Variants in MAP1S observed in about 807,000 individuals in gnomAD.
MAP1S encodes microtubule-associated protein 1S.
In MAP1S, 27 loss-of-function variants were observed where a neutral mutation model predicts 60.9. That is an observed-to-expected ratio of 0.44 (90% CI 0.33 to 0.61). The LOEUF is 0.61. MAP1S is among the 20% of genes least tolerant of loss of function. MAP1S has a pLI of 0.03. For synonymous variants in MAP1S, 826 were observed against 694.2 expected, an observed-to-expected ratio of 1.19 and a Z score of -2.98; for missense variants, 1,608 against 1,486.6, an observed-to-expected ratio of 1.08 and a Z score of -1.34.
rs150761669 is a variant in MAP1S, at chr19:17,727,933, C to T, written c.2549C>T (p.Pro850Leu). The T allele has an allele frequency of 3.3e-3, 5,326 of 1,609,750 alleles. 14 individuals carry two copies. The highest frequency in any genetic ancestry group is 4.1e-3 in the Non-Finnish European group (4,805 of 1,177,964). The change falls in exon 5 of 7, where the codon CCC becomes CTC. Residue 850 changes from proline to leucine, a missense_variant. By Grantham distance (98) the Pro-to-Leu change is moderately conservative. This residue lies in a region of MAP1S where 1,167 missense variants were observed against 961.4 expected (regional missense o/e 1.21). Coordinates refer to ENST00000324096, the MANE Select transcript of MAP1S (RefSeq NM_018174.6). This position sits in a 1 kb window ranked among gnomAD's most constrained non-coding sequence, Gnocchi z 4.1. The part of the protein sequence containing the change: ...ICMVDPEMLP[P>L]KTARQTENVS... ...ATGGTGGACCCCGAGATGCTGCCCCCCAAGACAGCACGGCAAACGGAGAAC... is the reference window on the plus strand; with the variant it reads ...ATGGTGGACCCCGAGATGCTGCCCCTCAAGACAGCACGGCAAACGGAGAAC...
chr19:17,726,149 C>A lies in MAP1S; in HGVS notation c.765C>A (p.Phe255Leu), dbSNP rs201058277. 1 of 1,613,926 alleles carries A rather than the reference C, an allele frequency of 6.2e-7. No homozygotes were observed. Among genetic ancestry groups the A allele is most frequent in the Admixed American group, 1.7e-5 (1 of 60,012 alleles). The change falls in exon 5 of 7, where the codon TTC (phenylalanine) becomes TTA (leucine). Residue 255 changes from phenylalanine to leucine, a missense_variant. By Grantham distance (22) the Phe-to-Leu change is conservative. Coordinates refer to ENST00000324096, the MANE Select transcript of MAP1S (RefSeq NM_018174.6). ...CTGGAGGCCTCGGGGATGCCGCCTT[C>A]TTCGCCGTCAATGGCTTCACTGTGC... ...IFPGGLGDAA[F>L]FAVNGFTVLV...
intron 6 of MAP1S, 68 bp downstream of exon 6, chr19:17,733,496 C>G (rs959153470): frequency 7.7e-7 from 1 of 1,300,666 alleles, no homozygotes; most frequent in African/African-American, 1.5e-5. Flanking sequence ...CACCCTCGAC[C>G]CTCAGAGACT....
intron 3 of MAP1S, 141 bp downstream of exon 3, chr19:17,724,349 T>G (rs2080398439): frequency 1.5e-6 from 1 of 677,558 alleles, no homozygotes; most frequent in Non-Finnish European, 2.6e-6. Flanking sequence ...CCACGAAGCC[T>G]TCCCTGTGGC....
At position 17,728,005 on chromosome 19, in the gene MAP1S, C is replaced by T. The variant is rs531163515; in HGVS notation, c.2621C>T (p.Ala874Val). 2.5e-6 allele frequency: 4 copies of T among 1,611,338 alleles called. No individual in the cohort carries two copies. In the African/African-American group the frequency reaches 4.0e-5, roughly 16 times the overall value. ...CTGGCCCGCCCCAACTCACGCGCTGCCGCCCCCAAAGCCACTCCAGTGGCT... is the reference window on the plus strand; with the variant it reads ...CTGGCCCGCCCCAACTCACGCGCTGTCGCCCCCAAAGCCACTCCAGTGGCT... The part of the protein sequence containing the change: ...KPLARPNSRA[A>V]APKATPVAAA... Residue 874 changes from alanine to valine, a missense_variant, in exon 5 of 7, where the codon GCC becomes GTC. By Grantham distance (64) the Ala-to-Val change is moderately conservative (BLOSUM62 0). This residue lies in a region of MAP1S where 1,167 missense variants were observed against 961.4 expected (regional missense o/e 1.21). Transcript: ENST00000324096.
At chr19:17,720,724 A>C in intron 1 of MAP1S, 1 of 621,072 alleles carries the variant, frequency 1.6e-6, no homozygotes, top group South Asian at 1.9e-5. Flanking sequence ...TTTGTTGCTG[A>C]TGAATCTTGT....
chr19:17,724,132 G>A lies in MAP1S; in HGVS notation c.227G>A (p.Arg76Gln), dbSNP rs984701340. ...CGGCCTGATTCCCCCACAGGCCAGCGGAGCCTGCACCACCGTGGAGACAAC... is the reference window on the plus strand; with the variant it reads ...CGGCCTGATTCCCCCACAGGCCAGCAGAGCCTGCACCACCGTGGAGACAAC... ...ATFSSIVKGQ[R>Q]SLHHRGDNLE... Residue 76 changes from arginine to glutamine, a missense_variant, in exon 3 of 7, where the codon CGG becomes CAG. Transcript: ENST00000324096. 5 of 1,613,786 alleles carry A rather than the reference G, an allele frequency of 3.1e-6. No individual in the cohort carries two copies. The highest frequency in any genetic ancestry group is 4.2e-6 in the Non-Finnish European group (5 of 1,179,886).
intron 5 of MAP1S, among the ~76,000 whole-genome samples, chr19:17,732,140 T>C (rs2080498486): frequency 6.6e-6 from 1 of 152,270 alleles, no homozygotes; most frequent in African/African-American, 2.4e-5. Flanking sequence ...TGATGTTAGT[T>C]CTCTAAATGT....
intron 6 of MAP1S, among the ~76,000 whole-genome samples, chr19:17,733,652 C>T (rs1351652301): frequency 6.6e-6 from 1 of 152,182 alleles, no homozygotes; most frequent in African/African-American, 2.4e-5. Flanking sequence ...GACGCAGGGC[C>T]TCGTGAAGCC....
In MAP1S at chr19:17,721,848, A is replaced by G. The variant is rs1266346313; in HGVS notation, c.220+811A>G. Among the ~76,000 whole-genome samples, 4 of 152,254 alleles carry G rather than the reference A, an allele frequency of 2.6e-5. No individual in the cohort carries two copies. In the South Asian group the frequency reaches 6.2e-4, roughly 24 times the overall value. On this transcript the variant is annotated intron_variant, in intron 2 of 6. Coordinates refer to ENST00000324096, the MANE Select transcript of MAP1S (RefSeq NM_018174.6). ...AAGGAGTGAGATCAAGAAGGGCCCA[A>G]CTCAGCACGAGGCTCCCTTCTAGGG...
rs754040568 is a variant in MAP1S, at chr19:17,720,968, T to C, written c.151T>C (p.Cys51Arg). Reference protein sequence around the residue: ...IRSWDVDPGVCNLDEQLKVFV... With the variant: ...IRSWDVDPGVRNLDEQLKVFV... ...GTCTTGGGATGTCGATCCTGGCGTC[T>C]GCAACCTTGATGAACAGCTCAAGGT... is the stretch of plus-strand genomic sequence containing the variant. Residue 51 changes from cysteine to arginine, a missense_variant, in exon 2 of 7, where the codon TGC becomes CGC. Coordinates refer to ENST00000324096, the MANE Select transcript of MAP1S (RefSeq NM_018174.6). The C allele has an allele frequency of 6.2e-7, 1 of 1,614,006 alleles. No homozygotes were observed. The highest frequency in any genetic ancestry group is 1.3e-5 in the African/African-American group (1 of 74,918).
At position 17,727,037 on chromosome 19, in the gene MAP1S, C is replaced by T; in HGVS notation, c.1653C>T (p.Leu551=). ...VRRAASSVPN[L]KKTNAQAAPK... ...GGGCAGCCTCTTCTGTGCCCAACCTCAAGAAGACGAATGCCCAGGCGGCAC... is the reference window on the plus strand; with the variant it reads ...GGGCAGCCTCTTCTGTGCCCAACCTTAAGAAGACGAATGCCCAGGCGGCAC... The change falls in exon 5 of 7, where the codon CTC becomes CTT. Residue 551 remains leucine (L), a synonymous_variant. Transcript: ENST00000324096. The surrounding 1 kb of genome is among the most constrained non-coding windows in gnomAD (Gnocchi z 4.1). 1 of 1,605,476 alleles carries T rather than the reference C, an allele frequency of 6.2e-7. No homozygotes were observed. Among genetic ancestry groups the T allele is most frequent in the South Asian group, 1.1e-5 (1 of 89,742 alleles).
intron 1 of MAP1S, chr19:17,720,275 C>T: frequency 1.4e-6 from 2 of 1,420,370 alleles, no homozygotes; most frequent in Non-Finnish European, 1.8e-6. Flanking sequence ...GCATCTGGAC[C>T]TGGCGTTTCA....
At chr19:17,720,741 AATG>A in intron 1 of MAP1S, 192 bp from the exon 2 acceptor site, 1 of 624,910 alleles carries the variant, frequency 1.6e-6, no homozygotes, top group Non-Finnish European at 2.8e-6. Context: ...TTGTGTGTAA[AATG>A]ATGAGGTGTG....
Position 17,727,380 on chromosome 19 carries a change from C to G in MAP1S, c.1996C>G (p.Pro666Ala). The G allele has an allele frequency of 2.5e-6, 4 of 1,591,130 alleles. No homozygotes were observed. The highest frequency in any genetic ancestry group is 3.4e-6 in the Non-Finnish European group (4 of 1,170,490). The change falls in exon 5 of 7, where the codon CCA (proline) becomes GCA (alanine). Residue 666 changes from proline to alanine, a missense_variant. Pro to Ala is a conservative substitution (Grantham distance 27). Around this residue, in one of 4 missense-constraint regions of MAP1S, gnomAD observed 1,167 missense variants for 961.4 expected, o/e 1.21. Transcript: ENST00000324096. The surrounding 1 kb of genome is among the most constrained non-coding windows in gnomAD (Gnocchi z 4.1). ...CCCACTGCGGGGCGGGGAGGCCGGGCCAGACGCCTCACCCACAGTGACCAC... is the reference window on the plus strand; with the variant it reads ...CCCACTGCGGGGCGGGGAGGCCGGGGCAGACGCCTCACCCACAGTGACCAC... ...LSPLRGGEAG[P>A]DASPTVTTPT...
At chr19:17,733,711 C>T (rs935179733) in intron 6 of MAP1S, among the ~76,000 whole-genome samples, 3 of 152,170 alleles carry the variant, frequency 2.0e-5, no homozygotes, top group Non-Finnish European at 2.9e-5. Context: ...GCCATTGTTC[C>T]GCTGTGAGAA....
Position 17,725,031 on chromosome 19 carries a change from G to T in MAP1S, c.304-18G>T, listed in dbSNP as rs1031929868. 3 of 1,614,114 alleles carry T rather than the reference G, an allele frequency of 1.9e-6. No individual in the cohort carries two copies. Among genetic ancestry groups the T allele is most frequent in the Admixed American group, 3.3e-5 (2 of 60,012 alleles). ...CACTGCACAGAACGGGTCCTTTAGTGTTCACCCCCTCCCTCAGCTCCGGAA... is the reference window on the plus strand; with the variant it reads ...CACTGCACAGAACGGGTCCTTTAGTTTTCACCCCCTCCCTCAGCTCCGGAA... On this transcript the variant is annotated intron_variant, in intron 3 of 6. Transcript: ENST00000324096. This position sits in a 1 kb window ranked among gnomAD's most constrained non-coding sequence, Gnocchi z 4.2.
Position 17,726,277 on chromosome 19 carries a change from TC to T in MAP1S, c.897del (p.Gly300AlafsTer60). On this transcript the variant is annotated frameshift_variant, in exon 5 of 7. Coordinates refer to ENST00000324096, the MANE Select transcript of MAP1S (RefSeq NM_018174.6). LOFTEE classifies it high-confidence loss of function. ...GTGACCCACCCTGGCGCCGACAGCC[TC>T]CCCGGCCTCAACAGCCTGCTGCGGC... is the stretch of plus-strand genomic sequence containing the variant. The part of the protein sequence containing the change: ...VLVTHPGADS[L>X]PGLNSLLRRK... 6.2e-7 allele frequency: 1 copy of T among 1,606,814 alleles called. No individual in the cohort carries two copies.
intron 1 of MAP1S, 72 bp downstream of exon 1, chr19:17,719,692 G>T: frequency 2.5e-6 from 2 of 787,662 alleles, no homozygotes; most frequent in South Asian, 5.7e-5. Context: ...CGGGGCCGGC[G>T]GGGTGGGGCG....
intron 2 of MAP1S, among the ~76,000 whole-genome samples, chr19:17,723,029 C>T (rs1275022912): frequency 6.6e-6 from 1 of 152,042 alleles, no homozygotes; most frequent in Non-Finnish European, 1.5e-5. Flanking sequence ...CACCCCGGCT[C>T]TGGCTCCTTG....
Sources: allele counts gnomAD v4.1 joint callset (sites outside exome capture counted in the v4.1 genomes callset), GRCh38; gene constraint gnomAD v4.1.1; regional missense constraint gnomAD v4.1.1; non-coding constraint Gnocchi (gnomAD v3.1); transcripts MANE v1.5; gene names NCBI Gene and HGNC (gene_info 2026-07-23, HGNC 2026-07-21).